MBTPS1: variants seen among roughly 807,000 people sequenced by gnomAD.
The protein encoded by MBTPS1 is membrane-bound transcription factor site-1 protease.
Under a neutral mutation model 127.8 loss-of-function variants are expected in MBTPS1, and 94 were observed. The observed-to-expected ratio is 0.74, with a 90% CI of 0.62 to 0.87. MBTPS1 has a LOEUF of 0.87. MBTPS1 is among the 40% of genes least tolerant of loss of function. The pLI is 0.00. For synonymous variants in MBTPS1, 632 were observed against 509.4 expected (o/e 1.24, Z -3.24); for missense variants, 1,636 against 1,353.2 (o/e 1.21, Z -3.28).
rs1346285850 is a variant in MBTPS1, at chr16:84,054,263, G to C, written c.*186C>G. Reference sequence around the variant, plus strand: ...AAGTCCCTCCTGACGGGATCCACAGGAATCTTCTCGATGTACCAGGAGCCT... The same window carrying C: ...AAGTCCCTCCTGACGGGATCCACAGCAATCTTCTCGATGTACCAGGAGCCT... On this transcript the variant is annotated 3_prime_UTR_variant, in exon 23 of 23. Coordinates refer to ENST00000343411, the MANE Select transcript of MBTPS1 (RefSeq NM_003791.4). 2.3e-6 allele frequency: 1 copy of C among 444,030 alleles called. No homozygotes were observed. The highest frequency in any genetic ancestry group is 3.9e-6 in the Non-Finnish European group (1 of 255,362). The allele number at this position is 444,030 out of a possible 1,614,324, so 27.5% of individuals were successfully genotyped here. A position where few individuals can be genotyped will look rare whatever the true frequency, so the allele number is the denominator to read the frequency against.
At chr16:84,083,872 T>C (rs746531095) in intron 10 of MBTPS1, among the ~76,000 whole-genome samples, 1 of 152,192 alleles carries the variant, frequency 6.6e-6, no homozygotes, top group Non-Finnish European at 1.5e-5. Flanking sequence ...AGACATCCTT[T>C]TACAACTGAG....
At chr16:84,102,700 T>A (rs1418063097) in intron 1 of MBTPS1, among the ~76,000 whole-genome samples, 1 of 152,230 alleles carries the variant, frequency 6.6e-6, no homozygotes, top group Non-Finnish European at 1.5e-5. Flanking sequence ...CATCAATTTT[T>A]CAGGCAAAAG....
rs1203753812 is a variant in MBTPS1 at position 84,091,857 on chromosome 16, A to G, written c.847-9T>C. ...CAAGATGTGTAAGATACCTAGTTAA[A>G]TATTATAACAGTCTGCTTAGTGTTT... On this transcript the variant is annotated splice_polypyrimidine_tract_variant and intron_variant, in intron 6 of 22. Transcript: ENST00000343411. The G allele has an allele frequency of 2.8e-6, 4 of 1,422,420 alleles. No homozygotes were observed. The highest frequency in any genetic ancestry group is 4.0e-6 in the Non-Finnish European group (4 of 1,004,830). The allele number at this position is 1,422,420 out of a possible 1,614,324, so 88.1% of individuals were successfully genotyped here.
chr16:84,104,934 A>C (rs563617179), intron 1 of MBTPS1, among the ~76,000 whole-genome samples: 16 of 109,744 alleles, frequency 1.5e-4, no homozygotes, highest in African/African-American at 3.9e-4. Flanking sequence ...CAACCGACCC[A>C]AAAAAAAAAA....
chr16:84,093,277 CGAATGTGCCAT>C lies in MBTPS1; in HGVS notation c.746_756del (p.His249ArgfsTer29). Reference sequence around the variant, plus strand: ...CTCATGCTGGCTATCACACCTGCCACGAATGTGCCATGGCCCAACCCTGCAGTCCATAAAGA... The same window carrying C: ...CTCATGCTGGCTATCACACCTGCCACGGCCCAACCCTGCAGTCCATAAAGA... On this transcript the variant is annotated frameshift_variant, in exon 6 of 23. Coordinates refer to ENST00000343411, the MANE Select transcript of MBTPS1 (RefSeq NM_003791.4). LOFTEE classifies it high-confidence loss of function. 1 of 1,613,400 alleles carries C rather than the reference CGAATGTGCCAT, an allele frequency of 6.2e-7. No homozygotes were observed. Among genetic ancestry groups the C allele is most frequent in the Non-Finnish European group, 8.5e-7 (1 of 1,179,324 alleles).
At chr16:84,070,874 G>A (rs960219074) in intron 12 of MBTPS1, 98 bp from the exon 13 acceptor site, 5 of 859,422 alleles carry the variant, frequency 5.8e-6, no homozygotes, top group Middle Eastern at 3.1e-4. Flanking sequence ...AACTGGTTCC[G>A]AGAAATACTT....
At position 84,091,678 on chromosome 16, in the gene MBTPS1, C is replaced by T. The variant is rs2151162725; in HGVS notation, c.963+54G>A. ...ACACTAGATATGATGCAAAGTTGGG[C>T]TGCGAAAGAGCAGGAGCTGTCACCC... On this transcript the variant is annotated intron_variant, in intron 7 of 22. Transcript: ENST00000343411. The T allele has an allele frequency of 4.1e-6, 5 of 1,225,932 alleles. No homozygotes were observed. The South Asian group carries it at 4.8e-5, about 12-fold the overall frequency. 75.9% of individuals were successfully genotyped at this position (1,225,932 alleles called of 1,614,324 possible).
intron 22 of MBTPS1, among the ~76,000 whole-genome samples, 193 bp from the exon 23 acceptor site, chr16:84,054,838 A>T (rs764202280): frequency 6.6e-6 from 1 of 152,228 alleles, no homozygotes; most frequent in Non-Finnish European, 1.5e-5. Flanking sequence ...GAGAGCAAAG[A>T]GCAGCCACTT....
intron 7 of MBTPS1, among the ~76,000 whole-genome samples, 187 bp downstream of exon 7, chr16:84,091,545 T>C (rs1457935680): frequency 6.7e-6 from 1 of 149,162 alleles, no homozygotes; most frequent in Non-Finnish European, 1.5e-5. Context: ...CAACACCTAC[T>C]CTGAGGCCTC....
intron 12 of MBTPS1, 91 bp from the exon 13 acceptor site, chr16:84,070,867 TG>T: frequency 9.6e-7 from 1 of 1,036,276 alleles, no homozygotes; most frequent in Non-Finnish European, 1.4e-6. Context: ...TTACCAAAAC[TG>T]GTTCCGAGAA....
chr16:84,098,251 T>C (rs970041088), intron 3 of MBTPS1, among the ~76,000 whole-genome samples: 9 of 152,200 alleles, frequency 5.9e-5, no homozygotes, highest in Non-Finnish European at 1.3e-4. Context: ...TGCATGACCA[T>C]TCCTGGTCAG....
intron 8 of MBTPS1, 85 bp from the exon 9 acceptor site, chr16:84,087,545 G>T: frequency 1.2e-6 from 1 of 861,528 alleles, no homozygotes; most frequent in Non-Finnish European, 1.8e-6. Context: ...TCAAACCAGG[G>T]CGAATACTCC....
At chr16:84,056,207 C>G in intron 21 of MBTPS1, 72 bp from the exon 22 acceptor site, 3 of 1,312,862 alleles carry the variant, frequency 2.3e-6, no homozygotes, top group Non-Finnish European at 3.2e-6. Context: ...CTAGGAAGTT[C>G]AACTGAAACT....
At chr16:84,077,412 C>A (rs765874197) in intron 11 of MBTPS1, among the ~76,000 whole-genome samples, 3 of 151,906 alleles carry the variant, frequency 2.0e-5, no homozygotes, top group Admixed American at 2.0e-4. Context: ...ACCAGTGGAA[C>A]AGAATGGAAA....
chr16:84,055,964 C>T (rs1175480063), intron 22 of MBTPS1, 41 bp downstream of exon 22: 1 of 1,592,936 alleles, frequency 6.3e-7, no homozygotes, highest in Admixed American at 1.7e-5. Flanking sequence ...GAACAAAATA[C>T]AGGATGACTG....
chr16:84,092,492 C>T (rs1445909779), intron 6 of MBTPS1, among the ~76,000 whole-genome samples: 4 of 151,862 alleles, frequency 2.6e-5, no homozygotes, highest in African/African-American at 7.3e-5. Context: ...TCATATACAC[C>T]AAAGAAATTC....
intron 3 of MBTPS1, among the ~76,000 whole-genome samples, chr16:84,098,357 T>C (rs750516921): frequency 6.6e-6 from 1 of 152,194 alleles, no homozygotes; most frequent in Non-Finnish European, 1.5e-5. Flanking sequence ...ACGCCTGTAA[T>C]CCCAGCACTT....
intron 9 of MBTPS1, among the ~76,000 whole-genome samples, 169 bp from the exon 10 acceptor site, chr16:84,085,303 A>G (rs2086004413): frequency 6.6e-6 from 1 of 152,202 alleles, no homozygotes. Context: ...CGCAAGGCTC[A>G]CACCTGTAAT....
intron 1 of MBTPS1, among the ~76,000 whole-genome samples, chr16:84,116,438 T>TC (rs1941611090): frequency 6.6e-6 from 1 of 152,176 alleles, no homozygotes; most frequent in Admixed American, 6.5e-5. Flanking sequence ...ATTGAGTCTG[T>TC]CTGGAGGCTC....
Sources: gnomAD v4.1 joint callset for allele counts (sites outside exome capture counted in the v4.1 genomes callset) on GRCh38, gnomAD v4.1.1 for gene constraint, MANE v1.5 for transcripts, NCBI Gene and HGNC (gene_info 2026-07-23, HGNC 2026-07-21) for gene names.